Variants in TMPRSS12 observed in about 807,000 individuals in gnomAD.
TMPRSS12 encodes the protein transmembrane protease serine 12.
Under a neutral mutation model 26.0 loss-of-function variants are expected in TMPRSS12, and 25 were observed. The observed-to-expected ratio is 0.96, with a 90% CI of 0.70 to 1.34. TMPRSS12 has a LOEUF of 1.34. Among genes scored for constraint, TMPRSS12 ranks in the 40% most tolerant of loss-of-function variants. The pLI is 0.00. For synonymous variants in TMPRSS12, 150 were observed against 161.7 expected, an observed-to-expected ratio of 0.93 and a Z score of 0.55; for missense variants, 441 against 440.1, an observed-to-expected ratio of 1.00 and a Z score of -0.02.
intron 2 of TMPRSS12, among the ~76,000 whole-genome samples, chr12:50,844,243 C>A (rs897014928): frequency 6.6e-6 from 1 of 151,988 alleles, no homozygotes; most frequent in Non-Finnish European, 1.5e-5. Flanking sequence ...ATGTGCAGAA[C>A]GTGCAGGTTT....
Position 50,887,366 on chromosome 12 carries a change from T to C in TMPRSS12, c.900T>C (p.Pro300=), listed in dbSNP as rs377344360. 6.2e-7 allele frequency: 1 copy of C among 1,613,992 alleles called. No homozygotes were observed. Among genetic ancestry groups the C allele is most frequent in the Non-Finnish European group, 8.5e-7 (1 of 1,179,872 alleles). The change falls in exon 5 of 5, where the codon CCT becomes CCC. Residue 300 remains proline, a synonymous_variant. Coordinates refer to ENST00000398458, the MANE Select transcript of TMPRSS12 (RefSeq NM_182559.3). ...YGHGCGRRGF[P]GVYIGPSFYQ... ...ATGGCTGTGGTCGAAGAGGTTTTCCTGGTGTCTATATTGGGCCATCCTTCT... is the reference window on the plus strand; with the variant it reads ...ATGGCTGTGGTCGAAGAGGTTTTCCCGGTGTCTATATTGGGCCATCCTTCT...
chr12:50,880,904 T>C (rs930833336), intron 3 of TMPRSS12, among the ~76,000 whole-genome samples: 1 of 150,766 alleles, frequency 6.6e-6, no homozygotes, highest in Non-Finnish European at 1.5e-5. Flanking sequence ...TACAAATGTG[T>C]GATTCCATTT....
At chr12:50,850,425 T>A (rs1465840420) in intron 2 of TMPRSS12, among the ~76,000 whole-genome samples, 1 of 152,024 alleles carries the variant, frequency 6.6e-6, no homozygotes, top group Non-Finnish European at 1.5e-5. Context: ...CAAAAAATTT[T>A]AAAAATTAGC....
rs142384494 is a variant in TMPRSS12, at chr12:50,869,909, C to T, written c.652+10856C>T. Among the ~76,000 whole-genome samples, 467 of 152,290 alleles carry T rather than the reference C, an allele frequency of 3.1e-3. 3 individuals are homozygous for T. Among genetic ancestry groups the T allele is most frequent in the African/African-American group, 0.011 (444 of 41,550 alleles). On this transcript the variant is annotated intron_variant, in intron 3 of 4. Coordinates refer to ENST00000398458, the MANE Select transcript of TMPRSS12 (RefSeq NM_182559.3). ...ACCAGCCTGGCCAACTTGGTGAAACCCTGTCCCTACTAAAATTAGAAAAAT... is the reference window on the plus strand; with the variant it reads ...ACCAGCCTGGCCAACTTGGTGAAACTCTGTCCCTACTAAAATTAGAAAAAT...
At position 50,843,048 on chromosome 12, in the gene TMPRSS12, G is replaced by A; in HGVS notation, c.84G>A (p.Arg28=). 6.2e-7 allele frequency: 1 copy of A among 1,602,554 alleles called. No individual in the cohort carries two copies. Among genetic ancestry groups the A allele is most frequent in the Non-Finnish European group, 8.5e-7 (1 of 1,174,902 alleles). ...CAGACCACTACTCGCCCTCTGGAAG[G>A]CACAGGCTCGGCCCCTCGCCGGAAC... ...LYSDHYSPSG[R]HRLGPSPEPA... The change falls in exon 1 of 5, where the codon AGG becomes AGA. Residue 28 remains arginine, a synonymous_variant. Transcript: ENST00000398458.
At chr12:50,869,523 T>C (rs1938022645) in intron 3 of TMPRSS12, among the ~76,000 whole-genome samples, 2 of 151,962 alleles carry the variant, frequency 1.3e-5, no homozygotes, top group East Asian at 1.9e-4. Flanking sequence ...TTACCAACCA[T>C]AAAAATCCAG....
At chr12:50,853,163 A>G (rs1937842644) in intron 2 of TMPRSS12, among the ~76,000 whole-genome samples, 2 of 152,160 alleles carry the variant, frequency 1.3e-5, no homozygotes, top group Non-Finnish European at 2.9e-5. Flanking sequence ...ATAGAAATCA[A>G]TGCCACCATC....
At chr12:50,883,814 G>T (rs1592226157) in intron 3 of TMPRSS12, among the ~76,000 whole-genome samples, 1 of 152,148 alleles carries the variant, frequency 6.6e-6, no homozygotes, top group East Asian at 1.9e-4. Flanking sequence ...GAGCAGCCTG[G>T]GCAACACAGC....
chr12:50,860,677 A>C (rs1443242599), intron 3 of TMPRSS12, among the ~76,000 whole-genome samples: 2 of 152,074 alleles, frequency 1.3e-5, no homozygotes, highest in Non-Finnish European at 2.9e-5. Flanking sequence ...GGACACGATC[A>C]TGGCTCACTG....
chr12:50,877,818 C>A (rs984458699), intron 3 of TMPRSS12, among the ~76,000 whole-genome samples: 23 of 152,160 alleles, frequency 1.5e-4, no homozygotes, highest in African/African-American at 5.6e-4. Flanking sequence ...CTATGTTGGC[C>A]AGGCTGGTCT....
At chr12:50,855,855 C>T (rs1007092385) in intron 2 of TMPRSS12, among the ~76,000 whole-genome samples, 1 of 152,174 alleles carries the variant, frequency 6.6e-6, no homozygotes, top group Non-Finnish European at 1.5e-5. Context: ...TACATATACA[C>T]CATGGAATAC....
At chr12:50,882,540 G>A (rs1938185836) in intron 3 of TMPRSS12, among the ~76,000 whole-genome samples, 1 of 151,276 alleles carries the variant, frequency 6.6e-6, no homozygotes, top group Non-Finnish European at 1.5e-5. Context: ...GTGACAAAAG[G>A]AAAGAAGGCA....
At position 50,853,102 on chromosome 12, in the gene TMPRSS12, T is replaced by G. The variant is rs148630759; in HGVS notation, c.384-5683T>G. ...CCATAAGACAATTCTTAACAAATTT[T>G]TAAAACCCAAAATCATACCATCCAC... On this transcript the variant is annotated intron_variant, in intron 2 of 4. Coordinates refer to ENST00000398458, the MANE Select transcript of TMPRSS12 (RefSeq NM_182559.3). Among the ~76,000 whole-genome samples the G allele has an allele frequency of 2.0e-5, 3 of 152,268 alleles. No homozygotes were observed. The East Asian group carries it at 5.8e-4, about 29-fold the overall frequency.
chr12:50,846,843 G>C (rs1937772830), intron 2 of TMPRSS12, among the ~76,000 whole-genome samples: 1 of 152,074 alleles, frequency 6.6e-6, no homozygotes, highest in Non-Finnish European at 1.5e-5. Context: ...GCCTCCCAAA[G>C]TGGTAACTGC....
intron 2 of TMPRSS12, among the ~76,000 whole-genome samples, chr12:50,854,411 C>T (rs1241897116): frequency 2.0e-5 from 3 of 152,076 alleles, no homozygotes; most frequent in Non-Finnish European, 2.9e-5. Flanking sequence ...GACAAGGATG[C>T]CCACTATCAC....
intron 2 of TMPRSS12, among the ~76,000 whole-genome samples, chr12:50,848,691 A>G (rs1301055171): frequency 6.6e-6 from 1 of 152,210 alleles, no homozygotes; most frequent in East Asian, 1.9e-4. Flanking sequence ...ATCAGGTGAT[A>G]CCACCATTGC....
intron 3 of TMPRSS12, among the ~76,000 whole-genome samples, chr12:50,871,889 C>G (rs1450515985): frequency 6.6e-6 from 1 of 151,706 alleles, no homozygotes; most frequent in Non-Finnish European, 1.5e-5. Context: ...CAATGCAATA[C>G]CACCTTACTC....
chr12:50,855,514 C>T (rs564252068), intron 2 of TMPRSS12, among the ~76,000 whole-genome samples: 155 of 152,148 alleles, frequency 1.0e-3, no homozygotes, highest in African/African-American at 3.6e-3. Flanking sequence ...AGATACTATC[C>T]CACACCAGTC....
At chr12:50,854,767 G>C (rs1937860304) in intron 2 of TMPRSS12, among the ~76,000 whole-genome samples, 1 of 152,096 alleles carries the variant, frequency 6.6e-6, no homozygotes, top group South Asian at 2.1e-4. Flanking sequence ...GGATGTGAAA[G>C]CTCTCTACAA....
Sources: gnomAD v4.1 joint callset for allele counts (sites outside exome capture counted in the v4.1 genomes callset) on GRCh38, gnomAD v4.1.1 for gene constraint, MANE v1.5 for transcripts, NCBI Gene and HGNC (gene_info 2026-07-23, HGNC 2026-07-21) for gene names.